Variants in PDCD1LG2 observed in about 807,000 individuals in gnomAD.
PDCD1LG2 encodes the protein B7 dendritic cell molecule.
A neutral mutation model predicts 28.2 loss-of-function variants in PDCD1LG2; 32 were observed. That is an observed-to-expected ratio of 1.13 (90% CI 0.86 to 1.52). PDCD1LG2 has a LOEUF of 1.52. PDCD1LG2 is among the 40% of genes most tolerant of loss of function. The probability of loss-of-function intolerance (pLI) is 0.00; values close to 1 mark genes in which losing one functional copy is unlikely to be tolerated. For synonymous variants in PDCD1LG2, 116 were observed against 120.2 expected, an observed-to-expected ratio of 0.97 and a Z score of 0.23; for missense variants, 385 against 323.8, an observed-to-expected ratio of 1.19 and a Z score of -1.45.
intron 1 of PDCD1LG2, among the ~76,000 whole-genome samples, chr9:5,517,899 G>C (rs1403896454): frequency 6.6e-6 from 1 of 152,220 alleles, no homozygotes. Context: ...GGCAAGACTA[G>C]AAGGTAAAAA....
chr9:5,511,481 A>C (rs1820056886), intron 1 of PDCD1LG2, among the ~76,000 whole-genome samples: 1 of 152,194 alleles, frequency 6.6e-6, no homozygotes, highest in South Asian at 2.1e-4. Flanking sequence ...GAGGGGATGG[A>C]GGTGGAGAGG....
chr9:5,522,681 C>T (rs1820299021), intron 2 of PDCD1LG2, 80 bp downstream of exon 2: 12 of 1,317,524 alleles, frequency 9.1e-6, no homozygotes, highest in South Asian at 3.7e-5. Context: ...GAGAATGTGG[C>T]CCTCAGGCTG....
intron 6 of PDCD1LG2, among the ~76,000 whole-genome samples, chr9:5,563,439 T>G (rs1487191612): frequency 1.3e-5 from 2 of 152,222 alleles, no homozygotes; most frequent in South Asian, 2.1e-4. Context: ...GATACTGCAC[T>G]GGACCTCTGG....
chr9:5,542,997 T>C (rs1042412165), intron 3 of PDCD1LG2, among the ~76,000 whole-genome samples: 1 of 152,198 alleles, frequency 6.6e-6, no homozygotes, highest in African/African-American at 2.4e-5. Context: ...CATATATATA[T>C]GCATATTATA....
At chr9:5,537,315 C>A (rs982221323) in intron 3 of PDCD1LG2, among the ~76,000 whole-genome samples, 1 of 152,058 alleles carries the variant, frequency 6.6e-6, no homozygotes, top group East Asian at 1.9e-4. Flanking sequence ...TCATTCCAAC[C>A]ATGTCATATG....
At chr9:5,530,716 G>A (rs79074200) in intron 2 of PDCD1LG2, among the ~76,000 whole-genome samples, 2,362 of 152,316 alleles carry the variant, frequency 0.016, 28 homozygotes, top group Non-Finnish European at 0.024. Flanking sequence ...TTGCTGGGAG[G>A]ATCAGATGAA....
At chr9:5,511,876 A>G (rs1288900634) in intron 1 of PDCD1LG2, among the ~76,000 whole-genome samples, 1 of 152,192 alleles carries the variant, frequency 6.6e-6, no homozygotes, top group Non-Finnish European at 1.5e-5. Context: ...ACAGGCAAGA[A>G]GCACACCTTT....
Position 5,569,813 on chromosome 9 carries a change from A to T in PDCD1LG2, c.817-141A>T. 2.5e-6 allele frequency: 2 copies of T among 802,756 alleles called. No individual in the cohort carries two copies. Among genetic ancestry groups the T allele is most frequent in the Non-Finnish European group, 4.1e-6 (2 of 492,090 alleles). The allele number at this position is 802,756 out of a possible 1,614,324, so 49.7% of individuals were successfully genotyped here. On this transcript the variant is annotated intron_variant, in intron 6 of 6. Coordinates refer to ENST00000397747, the MANE Select transcript of PDCD1LG2 (RefSeq NM_025239.4). The surrounding 1 kb of genome is among the most constrained non-coding windows in gnomAD (Gnocchi z 4.1). ...GGTAAAAACTGTGGAAAGAAGTTTTAAATGAAAAGTTTTAAACCATGCGGC... is the reference window on the plus strand; with the variant it reads ...GGTAAAAACTGTGGAAAGAAGTTTTTAATGAAAAGTTTTAAACCATGCGGC...
At chr9:5,561,052 TA>T (rs1168649414) in intron 5 of PDCD1LG2, among the ~76,000 whole-genome samples, 1 of 152,112 alleles carries the variant, frequency 6.6e-6, no homozygotes, top group Non-Finnish European at 1.5e-5. Context: ...GCCCAGTGTC[TA>T]AAAAATTACC....
chr9:5,519,736 A>G (rs2129711737), intron 1 of PDCD1LG2, among the ~76,000 whole-genome samples: 1 of 152,182 alleles, frequency 6.6e-6, no homozygotes, highest in South Asian at 2.1e-4. Flanking sequence ...TTTCAAACCA[A>G]ATCTACAACA....
Position 5,517,319 on chromosome 9 carries a change from C to T in PDCD1LG2, c.-14-5214C>T, listed in dbSNP as rs187807622. ...TTAGGGATTGGATCTGCGGAAGAGG[C>T]CACACAGGCCTGGAAGCAGGCTTAA... On this transcript the variant is annotated intron_variant, in intron 1 of 6. Coordinates refer to ENST00000397747, the MANE Select transcript of PDCD1LG2 (RefSeq NM_025239.4). Among the ~76,000 whole-genome samples, 15 of 152,284 alleles carry T rather than the reference C, an allele frequency of 9.9e-5. No individual in the cohort carries two copies. In the East Asian group the frequency reaches 1.9e-3, roughly 20 times the overall value.
chr9:5,517,378 G>T (rs1272866408), intron 1 of PDCD1LG2, among the ~76,000 whole-genome samples: 1 of 152,198 alleles, frequency 6.6e-6, no homozygotes, highest in African/African-American at 2.4e-5. Flanking sequence ...GTGTTTCAAA[G>T]ACAGACTGCA....
chr9:5,524,792 G>A (rs1820339992), intron 2 of PDCD1LG2, among the ~76,000 whole-genome samples: 1 of 151,918 alleles, frequency 6.6e-6, no homozygotes. Context: ...GGTATTATTT[G>A]TATAATAAAA....
intron 5 of PDCD1LG2, among the ~76,000 whole-genome samples, chr9:5,559,524 T>G (rs560593430): frequency 5.9e-5 from 9 of 152,190 alleles, no homozygotes; most frequent in African/African-American, 1.9e-4. Flanking sequence ...TTTCTGACCT[T>G]GTACAAATTG....
At chr9:5,517,712 T>A (rs1820194346) in intron 1 of PDCD1LG2, among the ~76,000 whole-genome samples, 1 of 152,194 alleles carries the variant, frequency 6.6e-6, no homozygotes, top group African/African-American at 2.4e-5. Flanking sequence ...TGACAATGAC[T>A]CTGACCGATA....
chr9:5,563,109 C>A (rs2129946047), intron 5 of PDCD1LG2, 53 bp from the exon 6 acceptor site: 1 of 1,378,406 alleles, frequency 7.3e-7, no homozygotes, highest in Non-Finnish European at 1.0e-6. Flanking sequence ...AATCTATAAG[C>A]CAAACAGTTT....
At chr9:5,554,410 A>G (rs1012806799) in intron 4 of PDCD1LG2, among the ~76,000 whole-genome samples, 1 of 152,222 alleles carries the variant, frequency 6.6e-6, no homozygotes, top group East Asian at 1.9e-4. Context: ...CCTGGCTTCT[A>G]TTTCTCAAGG....
At chr9:5,552,672 G>C (rs1342757170) in intron 4 of PDCD1LG2, among the ~76,000 whole-genome samples, 2 of 152,102 alleles carry the variant, frequency 1.3e-5, no homozygotes, top group African/African-American at 4.8e-5. Flanking sequence ...TTTTCATGGA[G>C]TGACACTGAT....
At chr9:5,519,100 G>A (rs73386678) in intron 1 of PDCD1LG2, among the ~76,000 whole-genome samples, 31 of 152,208 alleles carry the variant, frequency 2.0e-4, no homozygotes, top group African/African-American at 6.7e-4. Context: ...TGGGGGGTGC[G>A]CAAGATCTTT....
Sources: gnomAD v4.1 joint callset for allele counts (sites outside exome capture counted in the v4.1 genomes callset) on GRCh38, gnomAD v4.1.1 for gene constraint, Gnocchi (gnomAD v3.1) non-coding constraint, MANE v1.5 for transcripts, NCBI Gene and HGNC (gene_info 2026-07-23, HGNC 2026-07-21) for gene names.